BRIX1: variants seen among roughly 807,000 people sequenced by gnomAD.
BRIX1 encodes ribosome biogenesis protein BRX1 homolog.
In BRIX1, 15 loss-of-function variants were observed where a neutral mutation model predicts 44.0. That is an observed-to-expected ratio of 0.34 (90% CI 0.23 to 0.53). The LOEUF is 0.53. Ranked by LOEUF, BRIX1 falls within the 20% of genes least tolerant of loss-of-function variation. The pLI is 0.95. For missense variants in BRIX1, 420 were observed against 432.8 expected, an observed-to-expected ratio of 0.97 and a Z score of 0.26; for synonymous variants, 149 against 135.4, an observed-to-expected ratio of 1.10 and a Z score of -0.70.
chr5:34,923,373 G>A (rs1250859543), intron 8 of BRIX1, 139 bp downstream of exon 8: 4 of 651,398 alleles, frequency 6.1e-6, no homozygotes, highest in Non-Finnish European at 1.1e-5. Flanking sequence ...TCCACCTCCC[G>A]GGTTCAAGCT....
In BRIX1 at chr5:34,925,226, C is replaced by A; in HGVS notation, c.793C>A (p.His265Asn). The change falls in exon 10 of 10, where the codon CAT (histidine) becomes AAT (asparagine). Residue 265 changes from histidine (H) to asparagine (N), a missense_variant and splice_region_variant. Transcript: ENST00000336767. ...ENPHYQSPNM[H>N]RRVIRSITAA... is the part of the protein sequence containing the mutation. Reference sequence around the variant, plus strand: ...TCTAATCTTTTTTTTTTTTTTTTAGCATCGGCGTGTCATAAGATCCATCAC... The same window carrying A: ...TCTAATCTTTTTTTTTTTTTTTTAGAATCGGCGTGTCATAAGATCCATCAC... The A allele has an allele frequency of 1.3e-6, 2 of 1,484,454 alleles. No individual in the cohort carries two copies. The highest frequency in any genetic ancestry group is 9.0e-7 in the Non-Finnish European group (1 of 1,112,726). The allele number at this position is 1,484,454 out of a possible 1,614,324, so 92.0% of individuals were successfully genotyped here.
rs1240670119 is a variant in BRIX1, at chr5:34,925,555, A to G, written c.*60A>G. 2.8e-6 allele frequency: 4 copies of G among 1,428,200 alleles called. No homozygotes were observed. The African/African-American group carries it at 5.8e-5, about 21-fold the overall frequency. The allele number at this position is 1,428,200 out of a possible 1,614,324, so 88.5% of individuals were successfully genotyped here. A position where few individuals can be genotyped will look rare whatever the true frequency, so the allele number is the denominator to read the frequency against. ...TATATTTATTTTGTATTCAATGTGT[A>G]AATACTTTTATTATCTAATACTATC... On this transcript the variant is annotated 3_prime_UTR_variant, in exon 10 of 10. Transcript: ENST00000336767.
rs747695797 is a variant in BRIX1, at chr5:34,915,793, C to T, written c.55C>T (p.Pro19Ser). 3.1e-6 allele frequency: 5 copies of T among 1,593,462 alleles called. No homozygotes were observed. The highest frequency in any genetic ancestry group is 1.7e-6 in the Non-Finnish European group (2 of 1,170,144). ...AGGCTTTGCAGTTCAGGCGAAGAAG[C>T]CAAAAAGAAACGAAATAGATGCGGA... ...RGGFAVQAKK[P>S]KRNEIDAEPP... is the part of the protein sequence containing the mutation. The change falls in exon 1 of 10, where the codon CCA (proline) becomes TCA (serine). Residue 19 changes from proline (P) to serine (S), a missense_variant. Physicochemically the swap from Pro to Ser is moderately conservative, Grantham distance 74. Coordinates refer to ENST00000336767, the MANE Select transcript of BRIX1 (RefSeq NM_018321.4).
At chr5:34,922,928 T>C (rs539777316) in intron 6 of BRIX1, 73 bp from the exon 7 acceptor site, 18 of 1,274,036 alleles carry the variant, frequency 1.4e-5, no homozygotes, top group Non-Finnish European at 1.9e-5. Flanking sequence ...AGCCAAGTTA[T>C]AGAAACAAAT....
At position 34,922,789 on chromosome 5, in the gene BRIX1, A is replaced by G; in HGVS notation, c.510+21A>G. On this transcript the variant is annotated intron_variant, in intron 6 of 9. Transcript: ENST00000336767. The stretch of plus-strand genomic sequence containing the variant: ...ACCCTGTAAGTTTCTCATTCAGTGT[A>G]TGAGGTCTAATTTTCTTATCTGGCA... 3.1e-6 allele frequency: 5 copies of G among 1,601,262 alleles called. No homozygotes were observed. The East Asian group carries it at 8.9e-5, about 29-fold the overall frequency.
chr5:34,925,243 A>C lies in BRIX1; in HGVS notation c.810A>C (p.Arg270Ser), dbSNP rs777008085. ...QSPNMHRRVI[R>S]SITAAKYREK... ...TTTTTTAGCATCGGCGTGTCATAAG[A>C]TCCATCACAGCTGCAAAATACAGAG... The change falls in exon 10 of 10, where the codon AGA becomes AGC. Residue 270 changes from arginine (R) to serine (S), a missense_variant. Physicochemically the swap from Arg to Ser is moderately radical, Grantham distance 110. Transcript: ENST00000336767. 3 of 1,599,158 alleles carry C rather than the reference A, an allele frequency of 1.9e-6. No homozygotes were observed. Among genetic ancestry groups the C allele is most frequent in the Non-Finnish European group, 2.6e-6 (3 of 1,174,752 alleles).
chr5:34,922,170 C>A (rs748624714), intron 3 of BRIX1, 47 bp from the exon 4 acceptor site: 14 of 1,076,140 alleles, frequency 1.3e-5, no homozygotes, highest in Non-Finnish European at 1.9e-5. Flanking sequence ...TACTTTAGTT[C>A]TCATTTATAT....
Position 34,925,547 on chromosome 5 carries a change from C to A in BRIX1, c.*52C>A. 1.3e-6 allele frequency: 2 copies of A among 1,485,706 alleles called. No individual in the cohort carries two copies. Among genetic ancestry groups the A allele is most frequent in the Admixed American group, 2.0e-5 (1 of 50,220 alleles). 92.0% of individuals were successfully genotyped at this position (1,485,706 alleles called of 1,614,324 possible). A position where few individuals can be genotyped will look rare whatever the true frequency, so the allele number is the denominator to read the frequency against. ...AGTTACTTTATATTTATTTTGTATTCAATGTGTAAATACTTTTATTATCTA... is the reference window on the plus strand; with the variant it reads ...AGTTACTTTATATTTATTTTGTATTAAATGTGTAAATACTTTTATTATCTA... On this transcript the variant is annotated 3_prime_UTR_variant, in exon 10 of 10. Transcript: ENST00000336767.
At position 34,924,906 on chromosome 5, in the gene BRIX1, A is replaced by C; in HGVS notation, c.723A>C (p.Ile241=). The change falls in exon 9 of 10, where the codon ATA becomes ATC. Residue 241 remains isoleucine (I), a synonymous_variant. Coordinates refer to ENST00000336767, the MANE Select transcript of BRIX1 (RefSeq NM_018321.4). ...GACCTCGTTTTGTCTTAAATCTCAT[A>C]AAGATTTTCCAGGGAAGTTTTGGAG... The part of the protein sequence containing the change: ...EIGPRFVLNL[I]KIFQGSFGGP... The C allele has an allele frequency of 6.2e-7, 1 of 1,610,202 alleles. No homozygotes were observed.
chr5:34,925,587 C>T lies in BRIX1; in HGVS notation c.*92C>T. 9.3e-7 allele frequency: 1 copy of T among 1,076,490 alleles called. No homozygotes were observed. Among genetic ancestry groups the T allele is most frequent in the African/African-American group, 1.6e-5 (1 of 62,448 alleles). 66.7% of individuals were successfully genotyped at this position (1,076,490 alleles called of 1,614,324 possible). The stretch of plus-strand genomic sequence containing the variant: ...TTTATTATCTAATACTATCTTACGT[C>T]TAATTAGTGTAGCATTTACAAGAAA... On this transcript the variant is annotated 3_prime_UTR_variant, in exon 10 of 10. Transcript: ENST00000336767.
chr5:34,917,589 G>A (rs1013487271), intron 1 of BRIX1, among the ~76,000 whole-genome samples: 11 of 152,064 alleles, frequency 7.2e-5, no homozygotes, highest in Non-Finnish European at 1.2e-4. Flanking sequence ...GCAGTGAGCC[G>A]AGATCGCGCC....
In BRIX1 at chr5:34,920,516, G is replaced by C. The variant is rs1580512181; in HGVS notation, c.315+633G>C. The C allele has an allele frequency of 2.0e-5, 3 of 152,260 alleles. 1 individual carries two copies. The highest frequency in any genetic ancestry group is 2.0e-4 in the Admixed American group (3 of 15,292). The allele number at this position is 152,260 out of a possible 1,614,324, so 9.4% of individuals were successfully genotyped here. A position where few individuals can be genotyped will look rare whatever the true frequency, so the allele number is the denominator to read the frequency against. On this transcript the variant is annotated intron_variant, in intron 3 of 9. Transcript: ENST00000336767. ...GTAATACCACATTATTCTATGTGCT[G>C]TAGAAACTGTTCAACAGAGCAATGT...
In BRIX1 at chr5:34,925,655, T is replaced by C; in HGVS notation, c.*160T>C. 1 of 608,400 alleles carries C rather than the reference T, an allele frequency of 1.6e-6. No homozygotes were observed. Among genetic ancestry groups the C allele is most frequent in the Non-Finnish European group, 2.7e-6 (1 of 376,398 alleles). The allele number at this position is 608,400 out of a possible 1,614,324, so 37.7% of individuals were successfully genotyped here. The stretch of plus-strand genomic sequence containing the variant: ...AAATCAGTGATTATCTTTTTCTAAA[T>C]AAAATATCACCAGAATTCATCAGTT... On this transcript the variant is annotated 3_prime_UTR_variant, in exon 10 of 10. Transcript: ENST00000336767.
chr5:34,918,546 T>C, intron 2 of BRIX1, 71 bp downstream of exon 2: 1 of 861,502 alleles, frequency 1.2e-6, no homozygotes, highest in Non-Finnish European at 1.7e-6. Context: ...TCACTTATTT[T>C]ATATATTCTT....
At chr5:34,921,905 CGCAAAA>C (rs1377304083) in intron 3 of BRIX1, 3 of 129,494 alleles carry the variant, frequency 2.3e-5, no homozygotes, top group East Asian at 4.4e-4. Flanking sequence ...GAAACTGCAT[CGCAAAA>C]AAAAAAAAAA....
At chr5:34,921,872 A>C (rs1441545545) in intron 3 of BRIX1, 1 of 154,612 alleles carries the variant, frequency 6.5e-6, no homozygotes. Context: ...GTGCCATTGC[A>C]CTCCAGCCTG....
Position 34,924,914 on chromosome 5 carries a change from T to G in BRIX1, c.731T>G (p.Phe244Cys). ...PRFVLNLIKI[F>C]QGSFGGPTLY... ...TTTGTCTTAAATCTCATAAAGATTT[T>G]CCAGGGAAGTTTTGGAGGACCAACT... The change falls in exon 9 of 10, where the codon TTC (phenylalanine) becomes TGC (cysteine). Residue 244 changes from phenylalanine (F) to cysteine (C), a missense_variant. By Grantham distance (205) the Phe-to-Cys change is radical. Coordinates refer to ENST00000336767, the MANE Select transcript of BRIX1 (RefSeq NM_018321.4). The G allele has an allele frequency of 6.2e-7, 1 of 1,612,968 alleles. No individual in the cohort carries two copies.
At chr5:34,923,293 T>A in intron 8 of BRIX1, 59 bp downstream of exon 8, 1 of 1,346,798 alleles carries the variant, frequency 7.4e-7, no homozygotes, top group Non-Finnish European at 1.1e-6. Context: ...TTTATTTATG[T>A]TTTGAGACAG....
intron 3 of BRIX1, 165 bp from the exon 4 acceptor site, chr5:34,922,052 G>C (rs754855814): frequency 6.6e-5 from 27 of 409,408 alleles, no homozygotes; most frequent in Non-Finnish European, 1.2e-4. Flanking sequence ...TACCTAAGAG[G>C]AACTTTAAAG....
Sources: gnomAD v4.1 joint callset for allele counts (sites outside exome capture counted in the v4.1 genomes callset) on GRCh38, gnomAD v4.1.1 for gene constraint, MANE v1.5 for transcripts, NCBI Gene and HGNC (gene_info 2026-07-23, HGNC 2026-07-21) for gene names.